The following USP6NL variants were observed in gnomAD, a reference collection of about 807,000 sequenced individuals.
USP6NL encodes the protein USP6 N-terminal like.
USP6NL carries 26 observed loss-of-function variants against 61.9 expected under a neutral mutation model. That is an observed-to-expected ratio of 0.42 (90% confidence interval 0.31 to 0.58). The LOEUF is 0.58. Among genes scored for constraint, USP6NL ranks in the 20% least tolerant of loss-of-function variants. USP6NL has a pLI of 0.16. For missense variants in USP6NL, 1,114 were observed against 1,034.3 expected (o/e 1.08, Z -1.06); for synonymous variants, 432 against 390.1 (o/e 1.11, Z -1.27).
rs1031631072 is a variant in USP6NL, at chr10:11,600,446, C to T, written c.-83-2729G>A. 2.6e-5 allele frequency among the ~76,000 whole-genome samples: 4 copies of T among 152,132 alleles called. No individual in the cohort carries two copies. Among genetic ancestry groups the T allele is most frequent in the Admixed American group, 1.3e-4 (2 of 15,274 alleles). The stretch of plus-strand genomic sequence containing the variant: ...AAACCCAGCCAAACTCAACAGAGAG[C>T]GCAGACCAGTGAGCTAGAAAGAAAC... On this transcript the variant is annotated intron_variant, in intron 1 of 14. Transcript: ENST00000609104. The surrounding 1 kb of genome is among the most constrained non-coding windows in gnomAD (Gnocchi z 4.1).
Position 11,600,640 on chromosome 10 carries a change from T to A in USP6NL, c.-83-2923A>T, listed in dbSNP as rs527680894. On this transcript the variant is annotated intron_variant, in intron 1 of 14. Transcript: ENST00000609104. The surrounding 1 kb of genome is among the most constrained non-coding windows in gnomAD (Gnocchi z 4.1). ...ATATTTCATAAGAAATACACCTAAA[T>A]CAGCAAAACACATAAAGGTGAGAAA... 9.9e-5 allele frequency among the ~76,000 whole-genome samples: 15 copies of A among 152,248 alleles called. No homozygotes were observed. Among genetic ancestry groups the A allele is most frequent in the African/African-American group, 3.6e-4 (15 of 41,556 alleles).
chr10:11,477,772 T>G (rs890945340), intron 14 of USP6NL, among the ~76,000 whole-genome samples: 1 of 152,170 alleles, frequency 6.6e-6, no homozygotes, highest in Non-Finnish European at 1.5e-5. Flanking sequence ...AGAATTGCAA[T>G]GAATCATTCA....
In USP6NL at chr10:11,513,842, T is replaced by C. The variant is rs559689471; in HGVS notation, c.196-4167A>G. Among the ~76,000 whole-genome samples the C allele has an allele frequency of 6.6e-6, 1 of 152,330 alleles. No individual in the cohort carries two copies. Among genetic ancestry groups the C allele is most frequent in the East Asian group, 1.9e-4 (1 of 5,190 alleles). On this transcript the variant is annotated intron_variant, in intron 5 of 14. Transcript: ENST00000609104. The surrounding 1 kb of genome is among the most constrained non-coding windows in gnomAD (Gnocchi z 4.7). ...GTGTGGGCAACTCGGAATCCAATCA[T>C]GCATTCGGCATTGCCTTTGCTGGCA...
chr10:11,503,706 T>A (rs10905965), intron 6 of USP6NL, among the ~76,000 whole-genome samples: 49,062 of 151,988 alleles, frequency 0.32, 8,492 homozygotes, highest in East Asian at 0.67. Flanking sequence ...ATTTAGTTAA[T>A]CTGTTTTATT....
At chr10:11,467,648 A>G (rs1017537117) in intron 14 of USP6NL, among the ~76,000 whole-genome samples, 2 of 152,238 alleles carry the variant, frequency 1.3e-5, no homozygotes, top group African/African-American at 4.8e-5. Context: ...GTTAAAAAGA[A>G]AGTTATAGAC....
rs868749720 is a variant in USP6NL at position 11,481,705 on chromosome 10, T to A, written c.1078+65A>T. On this transcript the variant is annotated intron_variant, in intron 14 of 14. Coordinates refer to ENST00000609104, the MANE Select transcript of USP6NL (RefSeq NM_014688.5). This position sits in a 1 kb window ranked among gnomAD's most constrained non-coding sequence, Gnocchi z 4.4. ...CGCTGTGGGCAAGAAACAGCCCATG[T>A]TAATTATGCCATGTCTTCCAATCTT... 3.3e-6 allele frequency: 5 copies of A among 1,497,072 alleles called. No individual in the cohort carries two copies. The Middle Eastern group carries it at 8.9e-4, about 266-fold the overall frequency. 92.7% of individuals were successfully genotyped at this position (1,497,072 alleles called of 1,614,324 possible).
chr10:11,501,377 G>A (rs1462636317), intron 6 of USP6NL, among the ~76,000 whole-genome samples, 169 bp from the exon 7 acceptor site: 3 of 152,178 alleles, frequency 2.0e-5, no homozygotes, highest in African/African-American at 4.8e-5. Flanking sequence ...CTATTTTTAA[G>A]ATTCTAACAG....
chr10:11,580,198 T>C (rs1837704806), intron 2 of USP6NL, among the ~76,000 whole-genome samples: 1 of 152,224 alleles, frequency 6.6e-6, no homozygotes, highest in Non-Finnish European at 1.5e-5. Flanking sequence ...GAAGCTTTCC[T>C]ATTATAGCTT....
chr10:11,559,909 T>C (rs1836857974), intron 2 of USP6NL, among the ~76,000 whole-genome samples: 2 of 152,198 alleles, frequency 1.3e-5, no homozygotes, highest in South Asian at 4.1e-4. Context: ...TAAGTCTGTT[T>C]TAAGGAGTTA....
rs75094794 is a variant in USP6NL, at chr10:11,528,397, T to C, written c.5-830A>G. Among the ~76,000 whole-genome samples, 292 of 152,056 alleles carry C rather than the reference T, an allele frequency of 1.9e-3. No homozygotes were observed. Among genetic ancestry groups the C allele is most frequent in the South Asian group, 3.9e-3 (19 of 4,822 alleles). On this transcript the variant is annotated intron_variant, in intron 2 of 14. Transcript: ENST00000609104. This position sits in a 1 kb window ranked among gnomAD's most constrained non-coding sequence, Gnocchi z 4.6. ...ACAGCAGTAACAACTGTAACAACTA[T>C]ACTGCATTCTTATTAAGTGCCTGGC...
At chr10:11,534,646 C>G (rs539515646) in intron 2 of USP6NL, among the ~76,000 whole-genome samples, 3 of 152,258 alleles carry the variant, frequency 2.0e-5, no homozygotes, top group African/African-American at 7.2e-5. Context: ...AAAAGTCAGT[C>G]TGACATGACG....
At chr10:11,551,669 G>A (rs1215468317) in intron 2 of USP6NL, among the ~76,000 whole-genome samples, 1 of 152,292 alleles carries the variant, frequency 6.6e-6, no homozygotes, top group Middle Eastern at 3.4e-3. Context: ...ATCAAACTCA[G>A]GCCTCTCTGA....
At position 11,485,317 on chromosome 10, in the gene USP6NL, A is replaced by T. The variant is rs11257123; in HGVS notation, c.760-83T>A. Reference sequence around the variant, plus strand: ...AATACTAAGTTAGGAAGGCTGTTGGATGCAGCTATCAAAGCTAAACACATT... The same window carrying T: ...AATACTAAGTTAGGAAGGCTGTTGGTTGCAGCTATCAAAGCTAAACACATT... On this transcript the variant is annotated intron_variant, in intron 11 of 14. Coordinates refer to ENST00000609104, the MANE Select transcript of USP6NL (RefSeq NM_014688.5). This position sits in a 1 kb window ranked among gnomAD's most constrained non-coding sequence, Gnocchi z 4.8. 1.0e-3 allele frequency: 1,148 copies of T among 1,130,958 alleles called. 16 individuals are homozygous for T. The African/African-American group carries it at 0.017, about 17-fold the overall frequency. 70.1% of individuals were successfully genotyped at this position (1,130,958 alleles called of 1,614,324 possible). A position where few individuals can be genotyped will look rare whatever the true frequency, so the allele number is the denominator to read the frequency against.
rs537659300 is a variant in USP6NL, at chr10:11,602,706, C to T, written c.-83-4989G>A. Among the ~76,000 whole-genome samples the T allele has an allele frequency of 7.2e-5, 11 of 152,278 alleles. No homozygotes were observed. Among genetic ancestry groups the T allele is most frequent in the Admixed American group, 2.6e-4 (4 of 15,300 alleles). On this transcript the variant is annotated intron_variant, in intron 1 of 14. Transcript: ENST00000609104. This position sits in a 1 kb window ranked among gnomAD's most constrained non-coding sequence, Gnocchi z 4.8. Reference sequence around the variant, plus strand: ...ACTGACGTGACACTCAAAGGAAACGCTCATTAGGGCACTTTGGATTTCATT... The same window carrying T: ...ACTGACGTGACACTCAAAGGAAACGTTCATTAGGGCACTTTGGATTTCATT...
rs1566147339 is a variant in USP6NL at position 11,511,846 on chromosome 10, CA to C, written c.196-2172del. Among the ~76,000 whole-genome samples, 2 of 152,054 alleles carry C rather than the reference CA, an allele frequency of 1.3e-5. No homozygotes were observed. The highest frequency in any genetic ancestry group is 1.9e-4 in the East Asian group (1 of 5,170). The stretch of plus-strand genomic sequence containing the variant: ...TATATTATACACACACACACACACA[CA>C]CACCCCTTGGGAAGCTATAGGATCC... On this transcript the variant is annotated intron_variant, in intron 5 of 14. Coordinates refer to ENST00000609104, the MANE Select transcript of USP6NL (RefSeq NM_014688.5). This position sits in a 1 kb window ranked among gnomAD's most constrained non-coding sequence, Gnocchi z 4.9.
rs1300506809 is a variant in USP6NL at position 11,598,358 on chromosome 10, CA to C, written c.-83-642del. On this transcript the variant is annotated intron_variant, in intron 1 of 14. Transcript: ENST00000609104. This position sits in a 1 kb window ranked among gnomAD's most constrained non-coding sequence, Gnocchi z 4.7. ...TTTTAAAAATATACTTGATACTACA[CA>C]TAAAATTTTGTACTTGTTCCTTTCC... Among the ~76,000 whole-genome samples the C allele has an allele frequency of 1.3e-5, 2 of 152,222 alleles. No individual in the cohort carries two copies. Among genetic ancestry groups the C allele is most frequent in the Non-Finnish European group, 2.9e-5 (2 of 68,000 alleles).
At chr10:11,522,419 T>C (rs1276305045) in intron 4 of USP6NL, among the ~76,000 whole-genome samples, 4 of 152,200 alleles carry the variant, frequency 2.6e-5, no homozygotes, top group African/African-American at 7.2e-5. Context: ...TTTTATTCAA[T>C]AGCGCATAAA....
rs1218373792 is a variant in USP6NL at position 11,587,761 on chromosome 10, AG to A, written c.4+9869del. On this transcript the variant is annotated intron_variant, in intron 2 of 14. Coordinates refer to ENST00000609104, the MANE Select transcript of USP6NL (RefSeq NM_014688.5). The surrounding 1 kb of genome is among the most constrained non-coding windows in gnomAD (Gnocchi z 4.5). ...AATTCAGAACAGGAATTCTACTAAA[AG>A]GGATCTCTCGATAAAAGCCAAAAGC... Among the ~76,000 whole-genome samples, 3 of 152,222 alleles carry A rather than the reference AG, an allele frequency of 2.0e-5. No individual in the cohort carries two copies. Among genetic ancestry groups the A allele is most frequent in the African/African-American group, 7.2e-5 (3 of 41,458 alleles).
chr10:11,555,447 T>G lies in USP6NL; in HGVS notation c.5-27880A>C, dbSNP rs1363286500. On this transcript the variant is annotated intron_variant, in intron 2 of 14. Transcript: ENST00000609104. Reference sequence around the variant, plus strand: ...AAAAAAAAAAAAATATATATATATATATATAGAGAGAGAGAGAGAGAGAAA... The same window carrying G: ...AAAAAAAAAAAAATATATATATATAGATATAGAGAGAGAGAGAGAGAGAAA... 1.1e-3 allele frequency among the ~76,000 whole-genome samples: 80 copies of G among 73,700 alleles called. 4 individuals carry two copies. The highest frequency in any genetic ancestry group is 3.8e-3 in the African/African-American group (64 of 16,750). The allele number at this position is 73,700 out of a possible 152,430, so 48.4% of individuals were successfully genotyped here.
Sources: allele counts gnomAD v4.1 joint callset (sites outside exome capture counted in the v4.1 genomes callset), GRCh38; gene constraint gnomAD v4.1.1; non-coding constraint Gnocchi (gnomAD v3.1); transcripts MANE v1.5; gene names NCBI Gene and HGNC (gene_info 2026-07-23, HGNC 2026-07-21).